Variants in AUTS2 observed in about 807,000 individuals in gnomAD.
AUTS2 encodes activator of transcription and developmental regulator AUTS2.
AUTS2 carries 17 observed loss-of-function variants against 112.4 expected under a neutral mutation model. That is an observed-to-expected ratio of 0.15 (90% CI 0.10 to 0.23). The LOEUF is 0.23. Ranked by LOEUF, AUTS2 falls within the 10% of genes least tolerant of loss-of-function variation. The pLI, the probability that AUTS2 is intolerant of heterozygous loss-of-function variation, is 1.00. For missense variants in AUTS2, 1,510 were observed against 1,701.6 expected, an observed-to-expected ratio of 0.89 and a Z score of 1.98; for synonymous variants, 751 against 702.7, an observed-to-expected ratio of 1.07 and a Z score of -1.09.
chr7:70,219,675 G>A (rs911804249), intron 4 of AUTS2, among the ~76,000 whole-genome samples: 1 of 151,386 alleles, frequency 6.6e-6, no homozygotes, highest in South Asian at 2.1e-4. Flanking sequence ...GGGTTCAAGC[G>A]ATTCTCCTAC....
At chr7:70,065,433 C>T (rs781331321) in intron 2 of AUTS2, among the ~76,000 whole-genome samples, 2 of 152,092 alleles carry the variant, frequency 1.3e-5, no homozygotes, top group Non-Finnish European at 2.9e-5. Context: ...GTGGCTAACA[C>T]CTGTAATCCC....
In AUTS2 at chr7:70,790,553, G is replaced by A. The variant is rs1340203182; in HGVS notation, c.3337G>A (p.Asp1113Asn). ...RLSTPRLYEA[D>N]RSFRDREPHD... ...CTCGACTCCCCGGCTGTACGAAGCCGACCGCTCCTTCAGGGACCGGGAGCC... is the reference window on the plus strand; with the variant it reads ...CTCGACTCCCCGGCTGTACGAAGCCAACCGCTCCTTCAGGGACCGGGAGCC... Residue 1113 changes from aspartate to asparagine, a missense_variant, in exon 19 of 19, where the codon GAC (aspartate) becomes AAC (asparagine). Asp to Asn is a conservative substitution (Grantham distance 23). This residue lies in a region of AUTS2 where 788 missense variants were observed against 797.6 expected (regional missense o/e 0.99). Coordinates refer to ENST00000342771, the MANE Select transcript of AUTS2 (RefSeq NM_015570.4). The surrounding 1 kb of genome is among the most constrained non-coding windows in gnomAD (Gnocchi z 7.6). 4 of 1,604,352 alleles carry A rather than the reference G, an allele frequency of 2.5e-6. No homozygotes were observed. Among genetic ancestry groups the A allele is most frequent in the African/African-American group, 1.3e-5 (1 of 74,692 alleles).
At chr7:70,290,609 T>C in intron 4 of AUTS2, 9 of 1,429,382 alleles carry the variant, frequency 6.3e-6, no homozygotes, top group Non-Finnish European at 8.2e-6. Context: ...ATTAAACACT[T>C]CCCTCCTTTT....
intron 5 of AUTS2, among the ~76,000 whole-genome samples, chr7:70,668,268 C>T (rs984120542): frequency 7.9e-5 from 12 of 152,324 alleles, no homozygotes; most frequent in Middle Eastern, 3.4e-3. Context: ...CATGAGCCAC[C>T]GCGCCCAGCC....
At chr7:70,119,407 C>T (rs1025457026) in intron 3 of AUTS2, 1 of 150,946 alleles carries the variant, frequency 6.6e-6, no homozygotes, top group Non-Finnish European at 1.5e-5. Context: ...GCTCTGTCAC[C>T]AGACTGGAGT....
chr7:70,290,374 G>A (rs1788653454), intron 4 of AUTS2: 1 of 1,500,354 alleles, frequency 6.7e-7, no homozygotes. Flanking sequence ...TCAGAGATCA[G>A]GGAAGATGTG....
chr7:70,262,338 T>G (rs1050699914), intron 4 of AUTS2, among the ~76,000 whole-genome samples: 1 of 152,078 alleles, frequency 6.6e-6, no homozygotes, highest in Non-Finnish European at 1.5e-5. Flanking sequence ...TACAGGCACC[T>G]GCCACCACAC....
chr7:70,598,490 C>T (rs943236835), intron 5 of AUTS2, among the ~76,000 whole-genome samples: 5 of 152,170 alleles, frequency 3.3e-5, no homozygotes, highest in Admixed American at 1.3e-4. Flanking sequence ...CCTAACTTTT[C>T]CTAAGAGTTG....
intron 1 of AUTS2, among the ~76,000 whole-genome samples, chr7:69,792,243 G>GTT (rs200721030): frequency 4.3e-5 from 5 of 116,690 alleles, no homozygotes; most frequent in East Asian, 2.3e-4. Context: ...TTTTTTTTTT[G>GTT]TTTTGTTTTT....
intron 4 of AUTS2, among the ~76,000 whole-genome samples, chr7:70,181,423 ATCT>A (rs1246535970): frequency 6.6e-6 from 1 of 151,772 alleles, no homozygotes; most frequent in African/African-American, 2.4e-5. Context: ...CTTCTCACCT[ATCT>A]TCTTATTTTT....
chr7:69,818,236 A>T (rs964917060), intron 1 of AUTS2, among the ~76,000 whole-genome samples: 30 of 152,166 alleles, frequency 2.0e-4, no homozygotes, highest in Non-Finnish European at 2.6e-4. Flanking sequence ...TCTTTTCCTC[A>T]GAGTTGTAAT....
intron 5 of AUTS2, among the ~76,000 whole-genome samples, chr7:70,438,240 A>G (rs553775870): frequency 7.9e-5 from 12 of 152,128 alleles, no homozygotes; most frequent in Admixed American, 2.0e-4. Flanking sequence ...TGTCGGAATA[A>G]TGGGTATTGG....
chr7:69,865,138 G>C (rs1042951983), intron 1 of AUTS2, among the ~76,000 whole-genome samples: 1 of 149,582 alleles, frequency 6.7e-6, no homozygotes, highest in Non-Finnish European at 1.5e-5. Flanking sequence ...TGTGTATTTA[G>C]ACTGTGATAT....
At chr7:70,120,028 A>T (rs966967604) in intron 3 of AUTS2, 22 of 152,192 alleles carry the variant, frequency 1.4e-4, no homozygotes, top group Admixed American at 9.2e-4. Flanking sequence ...ACGTGGATTT[A>T]AGGAGTGTAT....
intron 1 of AUTS2, among the ~76,000 whole-genome samples, chr7:69,867,554 G>A (rs762716425): frequency 3.9e-5 from 6 of 152,110 alleles, no homozygotes; most frequent in Non-Finnish European, 5.9e-5. Flanking sequence ...TGATGTTCTG[G>A]TTCTGAGGTC....
intron 4 of AUTS2, among the ~76,000 whole-genome samples, chr7:70,159,303 T>C (rs374662343): frequency 6.6e-6 from 1 of 152,222 alleles, no homozygotes; most frequent in Non-Finnish European, 1.5e-5. Context: ...AGATCACTAT[T>C]TGTGGGTGTC....
intron 2 of AUTS2, among the ~76,000 whole-genome samples, chr7:69,981,550 G>A (rs569104918): frequency 6.6e-6 from 1 of 152,246 alleles, no homozygotes; most frequent in Admixed American, 6.5e-5. Flanking sequence ...AGTGAAGACA[G>A]TTTCTTGCCA....
chr7:70,491,437 C>CATATATACACATAATATATATGTT lies in AUTS2; in HGVS notation c.690+55712_690+55735dup, dbSNP rs754499710. On this transcript the variant is annotated intron_variant, in intron 5 of 18. Transcript: ENST00000342771. ...GTGTGTATACACACACACACACACA[C>CATATATACACATAATATATATGTT]ATATATACACATAATATATATGTTA... 1.3e-4 allele frequency among the ~76,000 whole-genome samples: 14 copies of CATATATACACATAATATATATGTT among 110,060 alleles called. 1 individual carries two copies. The highest frequency in any genetic ancestry group is 2.6e-4 in the South Asian group (1 of 3,780). The allele number at this position is 110,060 out of a possible 152,430, so 72.2% of individuals were successfully genotyped here.
intron 4 of AUTS2, among the ~76,000 whole-genome samples, chr7:70,192,727 A>G (rs935868072): frequency 1.3e-5 from 2 of 152,188 alleles, no homozygotes; most frequent in African/African-American, 4.8e-5. Context: ...AACACATCAC[A>G]TTGCAATGAT....
Sources: allele counts gnomAD v4.1 joint callset (sites outside exome capture counted in the v4.1 genomes callset), GRCh38; gene constraint gnomAD v4.1.1; regional missense constraint gnomAD v4.1.1; non-coding constraint Gnocchi (gnomAD v3.1); transcripts MANE v1.5; gene names NCBI Gene and HGNC (gene_info 2026-07-23, HGNC 2026-07-21).